The following GRM8 variants were observed in gnomAD, a reference collection of about 807,000 sequenced individuals.
GRM8 encodes the protein metabotropic glutamate receptor 8.
A neutral mutation model predicts 87.2 loss-of-function variants in GRM8; 47 were observed. The observed-to-expected ratio is 0.54, with a 90% CI of 0.43 to 0.69. The LOEUF is 0.69. Among genes scored for constraint, GRM8 ranks in the 30% least tolerant of loss-of-function variants. The pLI is 0.00. For missense variants in GRM8, 1,019 were observed against 1,139.2 expected (o/e 0.89, Z 1.52); for synonymous variants, 396 against 404.5 (o/e 0.98, Z 0.25).
intron 9 of GRM8, among the ~76,000 whole-genome samples, chr7:126,472,351 A>G (rs1343524941): frequency 1.3e-5 from 2 of 152,070 alleles, no homozygotes; most frequent in Non-Finnish European, 2.9e-5. Context: ...ATTATTTTGA[A>G]ATACCTCCCA....
intron 9 of GRM8, among the ~76,000 whole-genome samples, chr7:126,483,978 T>C (rs1444385961): frequency 1.3e-5 from 2 of 151,936 alleles, no homozygotes; most frequent in African/African-American, 2.4e-5. Flanking sequence ...GACTTGAGCA[T>C]CAGTCACTAC....
At chr7:127,055,781 A>T (rs1819922701) in intron 3 of GRM8, among the ~76,000 whole-genome samples, 1 of 152,066 alleles carries the variant, frequency 6.6e-6, no homozygotes, top group South Asian at 2.1e-4. Flanking sequence ...ATGCAGAAGA[A>T]AATAGGATCA....
intron 7 of GRM8, among the ~76,000 whole-genome samples, chr7:126,757,442 T>C (rs781107042): frequency 7.2e-5 from 11 of 152,198 alleles, no homozygotes; most frequent in Non-Finnish European, 1.5e-4. Flanking sequence ...ATGTATTTTA[T>C]ACTTTCTCTA....
chr7:126,651,563 T>C (rs1803871827), intron 7 of GRM8, among the ~76,000 whole-genome samples: 1 of 152,192 alleles, frequency 6.6e-6, no homozygotes, highest in Non-Finnish European at 1.5e-5. Context: ...CGCGACATTA[T>C]GTTCTGCTCG....
At chr7:127,127,913 C>T (rs1827461855) in intron 2 of GRM8, among the ~76,000 whole-genome samples, 1 of 151,974 alleles carries the variant, frequency 6.6e-6, no homozygotes, top group Non-Finnish European at 1.5e-5. Flanking sequence ...CTTCCATATC[C>T]TTCAACACTC....
At chr7:126,781,124 A>G (rs1820027826) in intron 6 of GRM8, among the ~76,000 whole-genome samples, 1 of 152,194 alleles carries the variant, frequency 6.6e-6, no homozygotes, top group South Asian at 2.1e-4. Flanking sequence ...GATGGGCAAC[A>G]GTGTCTAGGA....
At chr7:127,200,796 C>A (rs1795546951) in intron 2 of GRM8, among the ~76,000 whole-genome samples, 1 of 152,128 alleles carries the variant, frequency 6.6e-6, no homozygotes, top group African/African-American at 2.4e-5. Flanking sequence ...TATGATCTCA[C>A]CTTAACTTAT....
At chr7:126,839,902 C>A (rs892057811) in intron 6 of GRM8, among the ~76,000 whole-genome samples, 2 of 152,162 alleles carry the variant, frequency 1.3e-5, no homozygotes, top group Non-Finnish European at 2.9e-5. Context: ...CATCCCTTTG[C>A]TGAATGTACA....
chr7:126,956,239 T>C (rs1808668875), intron 3 of GRM8, among the ~76,000 whole-genome samples: 1 of 152,206 alleles, frequency 6.6e-6, no homozygotes, highest in African/African-American at 2.4e-5. Context: ...ATGACCACCT[T>C]TAATGTTTGA....
intron 3 of GRM8, among the ~76,000 whole-genome samples, chr7:127,100,857 T>C (rs1357051571): frequency 6.6e-6 from 1 of 152,198 alleles, no homozygotes; most frequent in African/African-American, 2.4e-5. Flanking sequence ...ATATGAAAGC[T>C]TCTCCCCATG....
At chr7:126,960,965 A>T (rs1056505092) in intron 3 of GRM8, among the ~76,000 whole-genome samples, 2 of 152,196 alleles carry the variant, frequency 1.3e-5, no homozygotes, top group Non-Finnish European at 2.9e-5. Flanking sequence ...GATGACTGAC[A>T]TATAAACAAA....
chr7:127,126,936 T>A (rs1336246802), intron 2 of GRM8, among the ~76,000 whole-genome samples: 1 of 151,840 alleles, frequency 6.6e-6, no homozygotes, highest in African/African-American at 2.4e-5. Context: ...GAACAGAAAT[T>A]CAGAAGAGAA....
intron 3 of GRM8, among the ~76,000 whole-genome samples, chr7:127,099,090 G>A (rs777780583): frequency 6.6e-6 from 1 of 152,180 alleles, no homozygotes; most frequent in Non-Finnish European, 1.5e-5. Context: ...GAAGGAACCT[G>A]TCTAAAGACT....
chr7:126,476,048 C>T (rs977020899), intron 9 of GRM8, among the ~76,000 whole-genome samples: 1 of 151,742 alleles, frequency 6.6e-6, no homozygotes, highest in Non-Finnish European at 1.5e-5. Context: ...TTGGTCTTGG[C>T]AAAGTTTTTT....
intron 7 of GRM8, among the ~76,000 whole-genome samples, chr7:126,654,950 G>T (rs778731704): frequency 2.6e-5 from 4 of 152,150 alleles, no homozygotes; most frequent in Non-Finnish European, 5.9e-5. Flanking sequence ...TTCAGGAAGA[G>T]CCACAGGGAA....
At chr7:127,069,956 T>G (rs1354920916) in intron 3 of GRM8, among the ~76,000 whole-genome samples, 1 of 152,176 alleles carries the variant, frequency 6.6e-6, no homozygotes, top group Non-Finnish European at 1.5e-5. Context: ...TTATTTTCCT[T>G]CCTTTTTCCC....
intron 2 of GRM8, among the ~76,000 whole-genome samples, chr7:127,166,541 A>G (rs1444057223): frequency 2.0e-5 from 3 of 152,146 alleles, no homozygotes; most frequent in Non-Finnish European, 4.4e-5. Flanking sequence ...CCATCAACCA[A>G]AGATTGGCTC....
chr7:127,075,419 G>A (rs1358132311), intron 3 of GRM8, among the ~76,000 whole-genome samples: 1 of 152,010 alleles, frequency 6.6e-6, no homozygotes, highest in Non-Finnish European at 1.5e-5. Flanking sequence ...AAAATTGATA[G>A]AAATACACTA....
intron 3 of GRM8, among the ~76,000 whole-genome samples, chr7:127,076,594 T>C (rs539873369): frequency 1.6e-4 from 24 of 152,172 alleles, no homozygotes; most frequent in Non-Finnish European, 2.6e-4. Flanking sequence ...TTTCCTCCAA[T>C]GACGACACCC....
Sources: allele counts gnomAD v4.1 joint callset (sites outside exome capture counted in the v4.1 genomes callset), GRCh38; gene constraint gnomAD v4.1.1; transcripts MANE v1.5; gene names NCBI Gene and HGNC (gene_info 2026-07-23, HGNC 2026-07-21).